Variants in SYT1 observed in about 807,000 individuals in gnomAD.
The protein encoded by SYT1 is synaptotagmin-1.
Under a neutral mutation model 44.8 loss-of-function variants are expected in SYT1, and 8 were observed. The observed-to-expected ratio is 0.18, with a 90% CI of 0.10 to 0.32. The LOEUF is 0.32. Among genes scored for constraint, SYT1 ranks in the 10% least tolerant of loss-of-function variants. The probability of loss-of-function intolerance (pLI) is 1.00; values close to 1 mark genes in which losing one functional copy is unlikely to be tolerated. For missense variants in SYT1, 286 were observed against 509.3 expected (o/e 0.56, Z 4.22); for synonymous variants, 154 against 188.8 (o/e 0.82, Z 1.51).
chr12:79,101,535 G>A (rs148779887), intron 3 of SYT1, among the ~76,000 whole-genome samples: 5 of 152,242 alleles, frequency 3.3e-5, no homozygotes, highest in African/African-American at 1.2e-4. Context: ...GATGGAGAGT[G>A]GTGTTGGTTG....
intron 3 of SYT1, among the ~76,000 whole-genome samples, chr12:79,139,349 T>C (rs1869410764): frequency 6.6e-6 from 1 of 152,202 alleles, no homozygotes. Flanking sequence ...TGAAAGGCTA[T>C]AGATGAGCAC....
intron 9 of SYT1, among the ~76,000 whole-genome samples, chr12:79,426,037 GT>G: frequency 1.3e-5 from 2 of 151,312 alleles, no homozygotes; most frequent in African/African-American, 4.9e-5. Context: ...TAAGTAAAAA[GT>G]TGTGAGTTGT....
intron 8 of SYT1, among the ~76,000 whole-genome samples, chr12:79,319,222 A>G (rs1881242166): frequency 6.6e-6 from 1 of 152,174 alleles, no homozygotes; most frequent in South Asian, 2.1e-4. Flanking sequence ...TTCCTGGAAA[A>G]TCACGTATAG....
intron 3 of SYT1, among the ~76,000 whole-genome samples, chr12:79,175,603 C>G (rs1871808980): frequency 6.6e-6 from 1 of 152,042 alleles, no homozygotes; most frequent in Non-Finnish European, 1.5e-5. Context: ...TTCCCTTTTG[C>G]CACTAAAATT....
At chr12:79,293,457 AAC>A (rs1305624554) in intron 6 of SYT1, among the ~76,000 whole-genome samples, 1 of 152,000 alleles carries the variant, frequency 6.6e-6, no homozygotes, top group Non-Finnish European at 1.5e-5. Context: ...GAAAGTTTTA[AAC>A]CTCTCCAGTT....
intron 8 of SYT1, among the ~76,000 whole-genome samples, chr12:79,344,695 A>G (rs1225555384): frequency 6.6e-6 from 1 of 152,034 alleles, no homozygotes; most frequent in Non-Finnish European, 1.5e-5. Flanking sequence ...GGGCTCAAGC[A>G]GTCTGCCCGC....
At chr12:79,430,660 A>C (rs1284669580) in intron 9 of SYT1, among the ~76,000 whole-genome samples, 1 of 152,068 alleles carries the variant, frequency 6.6e-6, no homozygotes, top group Non-Finnish European at 1.5e-5. Flanking sequence ...TGTGGTGTGC[A>C]CCTGTAGTCC....
At chr12:79,037,641 G>A (rs533501731) in intron 2 of SYT1, among the ~76,000 whole-genome samples, 1 of 151,622 alleles carries the variant, frequency 6.6e-6, no homozygotes, top group Non-Finnish European at 1.5e-5. Flanking sequence ...AAATTCTTCT[G>A]CCCTAAATAT....
chr12:79,179,245 TATAG>T (rs1489014540), intron 3 of SYT1, among the ~76,000 whole-genome samples: 1 of 86,194 alleles, frequency 1.2e-5, no homozygotes, highest in Admixed American at 1.3e-4. Context: ...GATATATAGA[TATAG>T]ATATAGATAT....
At chr12:79,340,237 C>T (rs1226878335) in intron 8 of SYT1, among the ~76,000 whole-genome samples, 2 of 152,062 alleles carry the variant, frequency 1.3e-5, no homozygotes, top group African/African-American at 2.4e-5. Flanking sequence ...GGGGATGGCA[C>T]TGAATCTATA....
chr12:79,099,474 T>C (rs1167055629), intron 3 of SYT1, among the ~76,000 whole-genome samples: 1 of 152,160 alleles, frequency 6.6e-6, no homozygotes, highest in African/African-American at 2.4e-5. Flanking sequence ...TCTGGTTTGA[T>C]AGAAATGTAC....
At chr12:79,090,573 G>T in intron 3 of SYT1, among the ~76,000 whole-genome samples, 1 of 152,000 alleles carries the variant, frequency 6.6e-6, no homozygotes, top group East Asian at 1.9e-4. Flanking sequence ...TGGTTTAGGA[G>T]TGAAGGGAAT....
rs566318333 is a variant in SYT1 at position 79,194,988 on chromosome 12, A to T, written c.-17-22515A>T. ...TAAGCTATTTTGCTAAACTTTAATA[A>T]CACAAATTCTGTTAACCTTGAAGCC... is the stretch of plus-strand genomic sequence containing the variant. On this transcript the variant is annotated intron_variant, in intron 3 of 10. Transcript: ENST00000261205. Among the ~76,000 whole-genome samples the T allele has an allele frequency of 4.6e-5, 7 of 152,292 alleles. No individual in the cohort carries two copies. In the East Asian group the frequency reaches 1.2e-3, roughly 25 times the overall value.
At chr12:78,968,679 G>A (rs1868304688) in intron 1 of SYT1, among the ~76,000 whole-genome samples, 1 of 152,174 alleles carries the variant, frequency 6.6e-6, no homozygotes, top group Non-Finnish European at 1.5e-5. Flanking sequence ...TCTGGGGCAT[G>A]CATAGTGCAG....
intron 9 of SYT1, among the ~76,000 whole-genome samples, chr12:79,402,051 G>C (rs996289899): frequency 2.0e-5 from 3 of 152,164 alleles, no homozygotes; most frequent in African/African-American, 7.2e-5. Flanking sequence ...GATTGTGTAA[G>C]CCAGCATTGT....
At chr12:79,084,647 A>G (rs1877260267) in intron 3 of SYT1, among the ~76,000 whole-genome samples, 1 of 152,180 alleles carries the variant, frequency 6.6e-6, no homozygotes, top group Non-Finnish European at 1.5e-5. Context: ...ATACTAGTAG[A>G]TGTTTTCTAA....
At position 79,270,716 on chromosome 12, in the gene SYT1, G is replaced by A. The variant is rs79774457; in HGVS notation, c.167-15071G>A. On this transcript the variant is annotated intron_variant, in intron 4 of 10. Transcript: ENST00000261205. Reference sequence around the variant, plus strand: ...AATCTACCAAAGTTTTCCAGCCTAGGGGACAGAAATAGCTGACTATGAATG... The same window carrying A: ...AATCTACCAAAGTTTTCCAGCCTAGAGGACAGAAATAGCTGACTATGAATG... Among the ~76,000 whole-genome samples, 355 of 152,236 alleles carry A rather than the reference G, an allele frequency of 2.3e-3. 8 individuals carry two copies. In the East Asian group the frequency reaches 0.061, roughly 26 times the overall value.
chr12:78,912,377 G>A (rs1876388988), intron 1 of SYT1, among the ~76,000 whole-genome samples: 1 of 151,874 alleles, frequency 6.6e-6, no homozygotes, highest in African/African-American at 2.4e-5. Flanking sequence ...TAAAGATAAG[G>A]TTAAAGAGAA....
intron 4 of SYT1, among the ~76,000 whole-genome samples, chr12:79,218,135 T>G (rs1874927782): frequency 6.6e-6 from 1 of 152,196 alleles, no homozygotes; most frequent in Admixed American, 6.5e-5. Context: ...CTTATTGTTA[T>G]TTTTTAAAGT....
Sources: allele counts gnomAD v4.1 joint callset (sites outside exome capture counted in the v4.1 genomes callset), GRCh38; gene constraint gnomAD v4.1.1; transcripts MANE v1.5; gene names NCBI Gene and HGNC (gene_info 2026-07-23, HGNC 2026-07-21).